Variants in CBLB observed in about 807,000 individuals in gnomAD.
CBLB encodes Cbl proto-oncogene B.
CBLB carries 31 observed loss-of-function variants against 104.9 expected under a neutral mutation model. That is an observed-to-expected ratio of 0.30 (90% CI 0.22 to 0.40). The LOEUF is 0.40. CBLB is among the 10% of genes least tolerant of loss of function. The pLI, the probability that CBLB is intolerant of heterozygous loss-of-function variation, is 1.00. For missense variants in CBLB, 1,062 were observed against 1,214.6 expected (o/e 0.87, Z 1.87); for synonymous variants, 440 against 422.6 (o/e 1.04, Z -0.51).
At chr3:105,719,111 T>A (rs576634744) in intron 10 of CBLB, among the ~76,000 whole-genome samples, 1 of 152,240 alleles carries the variant, frequency 6.6e-6, no homozygotes, top group Non-Finnish European at 1.5e-5. Context: ...GTAAATCTTA[T>A]GTGACCTCTT....
At chr3:105,842,390 T>C (rs1309155637) in intron 3 of CBLB, among the ~76,000 whole-genome samples, 1 of 152,192 alleles carries the variant, frequency 6.6e-6, no homozygotes, top group Non-Finnish European at 1.5e-5. Flanking sequence ...TAAAGCCAAG[T>C]TATACCATGT....
chr3:105,677,406 C>T (rs1316928697), intron 17 of CBLB, among the ~76,000 whole-genome samples: 2 of 147,830 alleles, frequency 1.4e-5, no homozygotes, highest in Admixed American at 6.7e-5. Context: ...TAATAATCAA[C>T]TGAGGAAGCT....
At position 105,722,198 on chromosome 3, in the gene CBLB, CAAAAA is replaced by C. The variant is rs5851468; in HGVS notation, c.1204-1953_1204-1949del. Reference sequence around the variant, plus strand: ...TAGGTGTAAGGGTAAGACCCCGTGCCAAAAAAAAAAAAAAAAAAAAGAAAAGAAAA... The same window carrying C: ...TAGGTGTAAGGGTAAGACCCCGTGCCAAAAAAAAAAAAAAAGAAAAGAAAA... On this transcript the variant is annotated intron_variant, in intron 9 of 18. Transcript: ENST00000394030. Among the ~76,000 whole-genome samples, 3 of 84,420 alleles carry C rather than the reference CAAAAA, an allele frequency of 3.6e-5. No homozygotes were observed. The Admixed American group carries it at 4.5e-4, about 13-fold the overall frequency. The allele number at this position is 84,420 out of a possible 152,430, so 55.4% of individuals were successfully genotyped here. A position where few individuals can be genotyped will look rare whatever the true frequency, so the allele number is the denominator to read the frequency against.
chr3:105,700,120 T>G (rs2068881077), intron 12 of CBLB, among the ~76,000 whole-genome samples: 1 of 152,142 alleles, frequency 6.6e-6, no homozygotes, highest in African/African-American at 2.4e-5. Context: ...TTTTTATAAC[T>G]GAACTCACAA....
At chr3:105,766,486 G>A (rs1322467903) in intron 4 of CBLB, among the ~76,000 whole-genome samples, 1 of 152,120 alleles carries the variant, frequency 6.6e-6, no homozygotes, top group African/African-American at 2.4e-5. Flanking sequence ...AAACTTCACT[G>A]CTGCCTAATT....
At chr3:105,705,318 G>C (rs1171543968) in intron 10 of CBLB, among the ~76,000 whole-genome samples, 1 of 152,068 alleles carries the variant, frequency 6.6e-6, no homozygotes, top group Non-Finnish European at 1.5e-5. Context: ...ATTGTATAAG[G>C]CTTTTGTTAA....
At chr3:105,737,660 C>T (rs16851547) in intron 7 of CBLB, among the ~76,000 whole-genome samples, 5,837 of 152,166 alleles carry the variant, frequency 0.038, 183 homozygotes, top group East Asian at 0.13. Context: ...TACACCATGC[C>T]TAATACCACA....
chr3:105,785,310 A>C (rs1367291290), intron 3 of CBLB, among the ~76,000 whole-genome samples: 1 of 152,260 alleles, frequency 6.6e-6, no homozygotes, highest in African/African-American at 2.4e-5. Flanking sequence ...TTTACAGAAA[A>C]TAATTTTTAA....
intron 3 of CBLB, chr3:105,824,036 T>A (rs899881080): frequency 6.6e-6 from 1 of 152,256 alleles, no homozygotes. Context: ...TTTGAACTCA[T>A]AGGTTCTCCA....
chr3:105,695,792 T>C (rs968146924), intron 12 of CBLB, among the ~76,000 whole-genome samples: 4 of 151,784 alleles, frequency 2.6e-5, no homozygotes, highest in Admixed American at 2.0e-4. Flanking sequence ...TTACGTTTTG[T>C]CAAGGAGAAT....
chr3:105,827,577 A>T lies in CBLB; in HGVS notation c.419+25837T>A, dbSNP rs567961696. 4.6e-5 allele frequency among the ~76,000 whole-genome samples: 7 copies of T among 152,220 alleles called. No homozygotes were observed. In the South Asian group the frequency reaches 1.5e-3, roughly 32 times the overall value. ...AACTCCCATGGACTGGCCAGGGAGC[A>T]CTTTACCAGCACTGGCCCAGACATT... On this transcript the variant is annotated intron_variant, in intron 3 of 18. Coordinates refer to ENST00000394030, the MANE Select transcript of CBLB (RefSeq NM_170662.5).
At chr3:105,858,730 T>C (rs1405499697) in intron 2 of CBLB, among the ~76,000 whole-genome samples, 5 of 152,220 alleles carry the variant, frequency 3.3e-5, no homozygotes, top group African/African-American at 1.2e-4. Flanking sequence ...CCAATTCCTT[T>C]TGACGTGTCA....
At chr3:105,707,658 C>T (rs2070377181) in intron 10 of CBLB, among the ~76,000 whole-genome samples, 1 of 152,062 alleles carries the variant, frequency 6.6e-6, no homozygotes, top group Non-Finnish European at 1.5e-5. Flanking sequence ...TAGAAGGTCA[C>T]TTTTAATTTA....
intron 6 of CBLB, among the ~76,000 whole-genome samples, chr3:105,741,098 T>G (rs1576773313): frequency 2.3e-5 from 2 of 86,660 alleles, no homozygotes; most frequent in Admixed American, 1.3e-4. Flanking sequence ...AATTAGGGTT[T>G]TTTTTTTTTT....
intron 2 of CBLB, among the ~76,000 whole-genome samples, chr3:105,857,483 G>A (rs2153134160): frequency 6.6e-6 from 1 of 152,174 alleles, no homozygotes; most frequent in African/African-American, 2.4e-5. Flanking sequence ...TCTTAGTAAA[G>A]ATTCCACCCA....
At chr3:105,857,348 T>C (rs550723486) in intron 2 of CBLB, among the ~76,000 whole-genome samples, 2 of 152,350 alleles carry the variant, frequency 1.3e-5, no homozygotes, top group East Asian at 3.9e-4. Flanking sequence ...GTACTGAGCT[T>C]AGAGCTAGGA....
intron 9 of CBLB, among the ~76,000 whole-genome samples, chr3:105,730,537 G>C (rs1005764256): frequency 6.6e-6 from 1 of 151,968 alleles, no homozygotes; most frequent in Non-Finnish European, 1.5e-5. Flanking sequence ...TGCTAGCAGA[G>C]AGATTCTAAA....
chr3:105,741,028 A>C (rs940793008), intron 6 of CBLB, among the ~76,000 whole-genome samples: 3 of 152,076 alleles, frequency 2.0e-5, no homozygotes, highest in Non-Finnish European at 4.4e-5. Context: ...TACCTCAGAC[A>C]AAAACTGAGC....
Position 105,681,775 on chromosome 3 carries a change from G to C in CBLB, c.2245C>G (p.Pro749Ala). 6.2e-7 allele frequency: 1 copy of C among 1,611,210 alleles called. No homozygotes were observed. The highest frequency in any genetic ancestry group is 8.5e-7 in the Non-Finnish European group (1 of 1,177,706). ...GHCMLNGTHG[P>A]SSEKKSNIPD... ...ATGTTTGATTTCTTCTCTGAAGATG[G>C]ACCATGTGTTCCATTCAGCATACAG... is the stretch of plus-strand genomic sequence containing the variant. The change falls in exon 15 of 19, where the codon CCA (proline) becomes GCA (alanine). Residue 749 changes from proline to alanine, a missense_variant. Transcript: ENST00000394030.
Sources: allele counts gnomAD v4.1 joint callset (sites outside exome capture counted in the v4.1 genomes callset), GRCh38; gene constraint gnomAD v4.1.1; transcripts MANE v1.5; gene names NCBI Gene and HGNC (gene_info 2026-07-23, HGNC 2026-07-21).